The following PDE4B variants were observed in gnomAD, a reference collection of about 807,000 sequenced individuals.
The protein encoded by PDE4B is phosphodiesterase 4B, also known as 3',5'-cyclic-AMP phosphodiesterase 4B.
PDE4B carries 20 observed loss-of-function variants against 82.2 expected under a neutral mutation model. The observed-to-expected ratio is 0.24, with a 90% confidence interval of 0.17 to 0.35. The LOEUF (loss-of-function observed/expected upper bound fraction) is 0.35, where lower values mean the gene tolerates loss of function less well. Among genes scored for constraint, PDE4B ranks in the 10% least tolerant of loss-of-function variants. PDE4B has a pLI of 1.00. For synonymous variants in PDE4B, 320 were observed against 318.9 expected (o/e 1.00, Z -0.04); for missense variants, 655 against 907.2 (o/e 0.72, Z 3.57).
At chr1:66,369,061 G>GTA in intron 16 of PDE4B, 92 bp downstream of exon 16, 1 of 954,074 alleles carries the variant, frequency 1.0e-6, no homozygotes, top group South Asian at 2.0e-5. Context: ...AATAGAATAT[G>GTA]TATATATGAA....
intron 1 of PDE4B, among the ~76,000 whole-genome samples, chr1:65,884,214 A>G (rs1054591040): frequency 2.6e-5 from 4 of 151,522 alleles, no homozygotes; most frequent in African/African-American, 9.7e-5. Context: ...ATTGATTGGA[A>G]TAGTTTCAGA....
intron 3 of PDE4B, among the ~76,000 whole-genome samples, chr1:65,928,161 G>A (rs762176741): frequency 2.0e-5 from 3 of 150,428 alleles, no homozygotes; most frequent in East Asian, 3.9e-4. Flanking sequence ...TCAAATTGTC[G>A]ATAACGTAGT....
chr1:66,088,707 G>A (rs577187957), intron 3 of PDE4B, among the ~76,000 whole-genome samples: 11 of 152,170 alleles, frequency 7.2e-5, no homozygotes, highest in Admixed American at 7.2e-4. Context: ...GGGCTTCAGA[G>A]CCTAGTAGTC....
At chr1:65,910,872 C>A (rs1452448788) in intron 1 of PDE4B, among the ~76,000 whole-genome samples, 1 of 152,100 alleles carries the variant, frequency 6.6e-6, no homozygotes, top group Non-Finnish European at 1.5e-5. Flanking sequence ...GGAGAAGGGC[C>A]AAGAGTGGGT....
At chr1:65,851,156 A>T (rs887651861) in intron 1 of PDE4B, among the ~76,000 whole-genome samples, 2 of 152,122 alleles carry the variant, frequency 1.3e-5, no homozygotes, top group African/African-American at 4.8e-5. Context: ...TGGATTCTCT[A>T]ATTTGTTTCA....
At chr1:66,100,410 T>C (rs775236978) in intron 3 of PDE4B, among the ~76,000 whole-genome samples, 3 of 152,138 alleles carry the variant, frequency 2.0e-5, no homozygotes, top group Non-Finnish European at 4.4e-5. Flanking sequence ...TCTGTGAGGA[T>C]AGGGATTTGG....
intron 3 of PDE4B, among the ~76,000 whole-genome samples, chr1:66,090,361 A>G (rs1644987813): frequency 6.6e-6 from 1 of 151,834 alleles, no homozygotes; most frequent in Non-Finnish European, 1.5e-5. Flanking sequence ...AGATTTATAA[A>G]TACATCAATA....
At chr1:66,163,375 T>A (rs931120287) in intron 3 of PDE4B, among the ~76,000 whole-genome samples, 1 of 152,208 alleles carries the variant, frequency 6.6e-6, no homozygotes, top group Non-Finnish European at 1.5e-5. Context: ...GTGATGGGGA[T>A]TAAATGCAAT....
intron 3 of PDE4B, among the ~76,000 whole-genome samples, chr1:65,933,320 TAA>T (rs887770080): frequency 7.0e-6 from 1 of 143,626 alleles, no homozygotes; most frequent in Admixed American, 7.0e-5. Context: ...GTGCTGAAAT[TAA>T]AAAAAAAAAA....
intron 1 of PDE4B, among the ~76,000 whole-genome samples, chr1:65,896,069 A>G (rs1280918032): frequency 6.6e-6 from 1 of 151,870 alleles, no homozygotes; most frequent in East Asian, 1.9e-4. Context: ...GTTTTAAAAA[A>G]TGATCTACAT....
intron 3 of PDE4B, among the ~76,000 whole-genome samples, chr1:66,037,363 AT>A (rs1007197006): frequency 2.6e-5 from 4 of 151,982 alleles, no homozygotes; most frequent in African/African-American, 4.8e-5. Flanking sequence ...AAATATTTTG[AT>A]TTTTTGATGC....
chr1:66,323,430 T>C (rs1659544465), intron 7 of PDE4B, among the ~76,000 whole-genome samples: 1 of 152,216 alleles, frequency 6.6e-6, no homozygotes, highest in Non-Finnish European at 1.5e-5. Context: ...CAAGTTGTAC[T>C]AAGTTTTTGC....
intron 3 of PDE4B, among the ~76,000 whole-genome samples, chr1:66,067,015 A>C (rs1317557813): frequency 6.6e-6 from 1 of 152,082 alleles, no homozygotes; most frequent in Non-Finnish European, 1.5e-5. Context: ...ATATTCACAC[A>C]ACAAAAAGTA....
intron 1 of PDE4B, among the ~76,000 whole-genome samples, chr1:65,870,450 A>G (rs1456730507): frequency 1.3e-5 from 2 of 152,208 alleles, no homozygotes; most frequent in Admixed American, 6.5e-5. Context: ...AAGAATAGGA[A>G]GGCCAAAAAT....
chr1:66,229,913 G>C lies in PDE4B; in HGVS notation c.282-17547G>C, dbSNP rs137911312. 1.8e-4 allele frequency among the ~76,000 whole-genome samples: 28 copies of C among 152,326 alleles called. No individual in the cohort carries two copies. In the East Asian group the frequency reaches 4.6e-3, roughly 25 times the overall value. ...GGCCCTTTAGCTAGCAAATGACAGAGCTTCTATTCAAACTCAGGTCTGCCT... is the reference window on the plus strand; with the variant it reads ...GGCCCTTTAGCTAGCAAATGACAGACCTTCTATTCAAACTCAGGTCTGCCT... On this transcript the variant is annotated intron_variant, in intron 3 of 16. Transcript: ENST00000341517.
chr1:66,114,799 C>T (rs1220260342), intron 3 of PDE4B, among the ~76,000 whole-genome samples: 1 of 152,074 alleles, frequency 6.6e-6, no homozygotes, highest in Middle Eastern at 3.2e-3. Flanking sequence ...CCACACCTGG[C>T]TGATTTTTGT....
intron 7 of PDE4B, among the ~76,000 whole-genome samples, chr1:66,317,560 G>T (rs901458134): frequency 6.6e-6 from 1 of 151,836 alleles, no homozygotes; most frequent in African/African-American, 2.4e-5. Flanking sequence ...GTGCCTCAAA[G>T]AAAAACTGTT....
chr1:65,937,269 T>G (rs1197644018), intron 3 of PDE4B, among the ~76,000 whole-genome samples: 2 of 151,840 alleles, frequency 1.3e-5, no homozygotes, highest in African/African-American at 4.8e-5. Flanking sequence ...CTGGGGAGAG[T>G]GGTGGCGATT....
intron 9 of PDE4B, among the ~76,000 whole-genome samples, chr1:66,361,236 T>TATA (rs1662741789): frequency 6.6e-6 from 1 of 152,192 alleles, no homozygotes; most frequent in African/African-American, 2.4e-5. Context: ...AAAATCTACA[T>TATA]ATAAGTATTA....
Sources: gnomAD v4.1 joint callset for allele counts (sites outside exome capture counted in the v4.1 genomes callset) on GRCh38, gnomAD v4.1.1 for gene constraint, MANE v1.5 for transcripts, NCBI Gene and HGNC (gene_info 2026-07-23, HGNC 2026-07-21) for gene names.